FHIP1B: variants seen among roughly 807,000 people sequenced by gnomAD.
FHIP1B encodes the protein FHF complex subunit HOOK-interacting protein 1B.
FHIP1B carries 28 observed loss-of-function variants against 82.2 expected under a neutral mutation model. The observed-to-expected ratio is 0.34, with a 90% CI of 0.25 to 0.47. FHIP1B has a LOEUF of 0.47. Among genes scored for constraint, FHIP1B ranks in the 20% least tolerant of loss-of-function variants. The probability of loss-of-function intolerance (pLI) is 1.00; values close to 1 mark genes in which losing one functional copy is unlikely to be tolerated. For synonymous variants in FHIP1B, 585 were observed against 516.1 expected (o/e 1.13, Z -1.81); for missense variants, 1,110 against 1,262.6 (o/e 0.88, Z 1.83).
Position 6,218,089 on chromosome 11 carries a change from T to G in FHIP1B, c.1497A>C (p.Pro499=), listed in dbSNP as rs573849642. Residue 499 remains proline (P), a synonymous_variant, in exon 9 of 12, where the codon CCA becomes CCC. Transcript: ENST00000449352. ...SVTTVPRPST[P]SRLALFLRQQ... is the part of the protein sequence containing the mutation. ...GCCGCAGGAAGAGAGCCAGACGAGA[T>G]GGTGTGGAGGGCCGGGGTACTGTCG... The G allele has an allele frequency of 6.2e-7, 1 of 1,613,660 alleles. No homozygotes were observed. The highest frequency in any genetic ancestry group is 1.1e-5 in the South Asian group (1 of 91,046).
In FHIP1B at chr11:6,211,660, T is replaced by G; in HGVS notation, c.2765A>C (p.Lys922Thr). 6.2e-7 allele frequency: 1 copy of G among 1,614,238 alleles called. No individual in the cohort carries two copies. Among genetic ancestry groups the G allele is most frequent in the Non-Finnish European group, 8.5e-7 (1 of 1,180,044 alleles). The stretch of plus-strand genomic sequence containing the variant: ...AATGACTGCACAGTAGACAGCATTC[T>G]TGACTCGAAGAGCCTCACCTTGGCG... ...PERQGEALRV[K>T]NAVYCAVIFP... Residue 922 changes from lysine to threonine, a missense_variant, in exon 12 of 12, where the codon AAG becomes ACG. This residue lies in a region of FHIP1B where 147 missense variants were observed against 154.0 expected (regional missense o/e 0.95). Coordinates refer to ENST00000449352, the MANE Select transcript of FHIP1B (RefSeq NM_001098794.2).
Position 6,218,260 on chromosome 11 carries a change from AT to A in FHIP1B, c.1436-111del, listed in dbSNP as rs911422819. The A allele has an allele frequency of 3.5e-6, 5 of 1,416,556 alleles. No homozygotes were observed. The African/African-American group carries it at 7.2e-5, about 21-fold the overall frequency. 87.7% of individuals were successfully genotyped at this position (1,416,556 alleles called of 1,614,324 possible). A position where few individuals can be genotyped will look rare whatever the true frequency, so the allele number is the denominator to read the frequency against. ...GACAATGGGGAGGCAGAAACATGGAATCTATTCAGACAGCTAACTCTCCAAC... is the reference window on the plus strand; with the variant it reads ...GACAATGGGGAGGCAGAAACATGGAACTATTCAGACAGCTAACTCTCCAAC... On this transcript the variant is annotated intron_variant, in intron 8 of 11. Coordinates refer to ENST00000449352, the MANE Select transcript of FHIP1B (RefSeq NM_001098794.2).
rs767384649 is a variant in FHIP1B at position 6,223,805 on chromosome 11, G to C, written c.582C>G (p.Leu194=). 6 of 1,614,172 alleles carry C rather than the reference G, an allele frequency of 3.7e-6. No homozygotes were observed. In the South Asian group the frequency reaches 5.5e-5, roughly 15 times the overall value. Reference sequence around the variant, plus strand: ...CAGGAGGTGGCTGCAGGAAGAACTCGAGCAATGAAGGCTCCTGGGCCACAC... The same window carrying C: ...CAGGAGGTGGCTGCAGGAAGAACTCCAGCAATGAAGGCTCCTGGGCCACAC... ...CVCVAQEPSL[L]EFFLQPPPEP... is the part of the protein sequence containing the mutation. Residue 194 remains leucine (L), a synonymous_variant, in exon 3 of 12, where the codon CTC becomes CTG. Transcript: ENST00000449352. The surrounding 1 kb of genome is among the most constrained non-coding windows in gnomAD (Gnocchi z 4.8).
chr11:6,218,874 A>C, intron 7 of FHIP1B, 97 bp downstream of exon 7: 1 of 1,560,344 alleles, frequency 6.4e-7, no homozygotes, highest in South Asian at 1.1e-5. Context: ...CCAAGTGGAA[A>C]CTCATGAGTA....
rs1380553256 is a variant in FHIP1B, at chr11:6,223,455, T to C, written c.777+155A>G. ...CCTATCCATCTAAGCCCATGATTCA[T>C]CCCCACTACAACTCCAGGGGGCTGC... On this transcript the variant is annotated intron_variant, in intron 3 of 11. Coordinates refer to ENST00000449352, the MANE Select transcript of FHIP1B (RefSeq NM_001098794.2). This position sits in a 1 kb window ranked among gnomAD's most constrained non-coding sequence, Gnocchi z 4.8. Among the ~76,000 whole-genome samples, 2 of 152,102 alleles carry C rather than the reference T, an allele frequency of 1.3e-5. No individual in the cohort carries two copies. Among genetic ancestry groups the C allele is most frequent in the East Asian group, 1.9e-4 (1 of 5,174 alleles).
At chr11:6,225,373 G>T (rs1847535517) in intron 1 of FHIP1B, among the ~76,000 whole-genome samples, 1 of 152,068 alleles carries the variant, frequency 6.6e-6, no homozygotes, top group African/African-American at 2.4e-5. Context: ...TTGTTTGTTT[G>T]TTTGTTTCAA....
In FHIP1B at chr11:6,223,466, A is replaced by G. The variant is rs1295707391; in HGVS notation, c.777+144T>C. The G allele has an allele frequency of 2.6e-6, 3 of 1,149,272 alleles. No homozygotes were observed. The highest frequency in any genetic ancestry group is 3.7e-6 in the Non-Finnish European group (3 of 807,196). The allele number at this position is 1,149,272 out of a possible 1,614,324, so 71.2% of individuals were successfully genotyped here. A position where few individuals can be genotyped will look rare whatever the true frequency, so the allele number is the denominator to read the frequency against. ...AAGCCCATGATTCATCCCCACTACAACTCCAGGGGGCTGCTTTCAAATCCA... is the reference window on the plus strand; with the variant it reads ...AAGCCCATGATTCATCCCCACTACAGCTCCAGGGGGCTGCTTTCAAATCCA... On this transcript the variant is annotated intron_variant, in intron 3 of 11. Coordinates refer to ENST00000449352, the MANE Select transcript of FHIP1B (RefSeq NM_001098794.2). The surrounding 1 kb of genome is among the most constrained non-coding windows in gnomAD (Gnocchi z 4.8).
chr11:6,223,513 G>A lies in FHIP1B; in HGVS notation c.777+97C>T, dbSNP rs548487642. 1.7e-4 allele frequency: 236 copies of A among 1,427,930 alleles called. No individual in the cohort carries two copies. The highest frequency in any genetic ancestry group is 5.4e-4 in the South Asian group (39 of 71,830). The allele number at this position is 1,427,930 out of a possible 1,614,324, so 88.5% of individuals were successfully genotyped here. On this transcript the variant is annotated intron_variant, in intron 3 of 11. Transcript: ENST00000449352. The surrounding 1 kb of genome is among the most constrained non-coding windows in gnomAD (Gnocchi z 4.8). ...TCCAGGAACTGTTTCCTAGGGGAAC[G>A]GGCCCTGGAACATAGCCTCTCCCCA...
rs1383047062 is a variant in FHIP1B at position 6,217,868 on chromosome 11, G to C, written c.1718C>G (p.Ser573Cys). The C allele has an allele frequency of 1.2e-6, 2 of 1,613,800 alleles. No individual in the cohort carries two copies. Among genetic ancestry groups the C allele is most frequent in the Non-Finnish European group, 1.7e-6 (2 of 1,180,030 alleles). ...GGGCCGCTCGCCATCATAGGGGGCA[G>C]ACCAGGTACGGCAGGCTCGGACACA... The part of the protein sequence containing the change: ...DRCVRACRTW[S>C]APYDGERPSP... The change falls in exon 9 of 12, where the codon TCT (serine) becomes TGT (cysteine). Residue 573 changes from serine (S) to cysteine (C), a missense_variant. Physicochemically the swap from Ser to Cys is moderately radical, Grantham distance 112. Around this residue, in one of 6 missense-constraint regions of FHIP1B, gnomAD observed 418 missense variants for 371.4 expected, o/e 1.13. Coordinates refer to ENST00000449352, the MANE Select transcript of FHIP1B (RefSeq NM_001098794.2).
chr11:6,229,445 A>G (rs1847642771), intron 1 of FHIP1B, among the ~76,000 whole-genome samples: 1 of 152,204 alleles, frequency 6.6e-6, no homozygotes, highest in Non-Finnish European at 1.5e-5. Context: ...CCAAGTGCCC[A>G]TATCTCTGAC....
intron 1 of FHIP1B, among the ~76,000 whole-genome samples, chr11:6,233,131 C>G (rs892944648): frequency 2.6e-5 from 4 of 152,118 alleles, no homozygotes; most frequent in African/African-American, 7.2e-5. Flanking sequence ...CCTGTCTGGA[C>G]TCCAGAAAGA....
Position 6,234,598 on chromosome 11 carries a change from G to C in FHIP1B, c.-246C>G, listed in dbSNP as rs1042910770. 4.6e-5 allele frequency: 7 copies of C among 152,982 alleles called. No homozygotes were observed. The highest frequency in any genetic ancestry group is 8.8e-5 in the Non-Finnish European group (6 of 68,552). 9.5% of individuals were successfully genotyped at this position (152,982 alleles called of 1,614,324 possible). A position where few individuals can be genotyped will look rare whatever the true frequency, so the allele number is the denominator to read the frequency against. On this transcript the variant is annotated 5_prime_UTR_variant, in exon 1 of 12. Transcript: ENST00000449352. ...GGGCCCGGTTGCTGCTGCGGTGTTAGGTGAGTTCAGGCCGCCGCCATCGCT... is the reference window on the plus strand; with the variant it reads ...GGGCCCGGTTGCTGCTGCGGTGTTACGTGAGTTCAGGCCGCCGCCATCGCT...
At chr11:6,230,553 G>C (rs1847670999) in intron 1 of FHIP1B, among the ~76,000 whole-genome samples, 1 of 152,116 alleles carries the variant, frequency 6.6e-6, no homozygotes, top group Non-Finnish European at 1.5e-5. Flanking sequence ...GGGATGTCAG[G>C]GTATGGTCCC....
intron 9 of FHIP1B, 83 bp from the exon 10 acceptor site, chr11:6,214,994 C>A (rs536114409): frequency 2.5e-5 from 32 of 1,296,634 alleles, no homozygotes; most frequent in East Asian, 1.8e-4. Context: ...AAACAAGAGA[C>A]CCCCACCAGA....
rs575055797 is a variant in FHIP1B, at chr11:6,211,385, T to C, written c.*121A>G. 2 of 1,279,168 alleles carry C rather than the reference T, an allele frequency of 1.6e-6. No homozygotes were observed. The highest frequency in any genetic ancestry group is 5.2e-5 in the Admixed American group (2 of 38,664). 79.2% of individuals were successfully genotyped at this position (1,279,168 alleles called of 1,614,324 possible). A position where few individuals can be genotyped will look rare whatever the true frequency, so the allele number is the denominator to read the frequency against. The stretch of plus-strand genomic sequence containing the variant: ...TATACATATTGCAACAAGTTCTCCA[T>C]AAAACATTCATCTGAAATAAATTAA... On this transcript the variant is annotated 3_prime_UTR_variant, in exon 12 of 12. Coordinates refer to ENST00000449352, the MANE Select transcript of FHIP1B (RefSeq NM_001098794.2).
In FHIP1B at chr11:6,224,418, G is replaced by A. The variant is rs758575248; in HGVS notation, c.99C>T (p.Pro33=). ...TCTTGAAGACCATGAGGCAGGTCTCGGGATCAGCCATGACTGGGGTTTGGA... is the reference window on the plus strand; with the variant it reads ...TCTTGAAGACCATGAGGCAGGTCTCAGGATCAGCCATGACTGGGGTTTGGA... ...ANLQTPVMAD[P]ETCLMVFKNH... is the part of the protein sequence containing the mutation. Residue 33 remains proline, a synonymous_variant, in exon 2 of 12, where the codon CCC becomes CCT. Transcript: ENST00000449352. 33 of 1,614,034 alleles carry A rather than the reference G, an allele frequency of 2.0e-5. No individual in the cohort carries two copies. In the African/African-American group the frequency reaches 2.7e-4, roughly 13 times the overall value.
Position 6,217,834 on chromosome 11 carries a change from C to A in FHIP1B, c.1752G>T (p.Glu584Asp). The change falls in exon 9 of 12, where the codon GAG (glutamate) becomes GAT (aspartate). Residue 584 changes from glutamate (E) to aspartate (D), a missense_variant. Physicochemically the swap from Glu to Asp is conservative, Grantham distance 45 (BLOSUM62 2). Coordinates refer to ENST00000449352, the MANE Select transcript of FHIP1B (RefSeq NM_001098794.2). ...APYDGERPSP[E>D]PSPFGSRTKK... ...TAGTCCGGGAGCCAAAAGGACTGGG[C>A]TCAGGAGAGGGCCGCTCGCCATCAT... 1 of 1,613,680 alleles carries A rather than the reference C, an allele frequency of 6.2e-7. No individual in the cohort carries two copies. The highest frequency in any genetic ancestry group is 1.3e-5 in the African/African-American group (1 of 74,994).
At chr11:6,230,369 C>A (rs1847666600) in intron 1 of FHIP1B, among the ~76,000 whole-genome samples, 1 of 152,184 alleles carries the variant, frequency 6.6e-6, no homozygotes, top group African/African-American at 2.4e-5. Flanking sequence ...TAATTACTGA[C>A]ATAAGGAGGA....
chr11:6,225,071 C>G (rs1028241936), intron 1 of FHIP1B, among the ~76,000 whole-genome samples: 2 of 152,228 alleles, frequency 1.3e-5, no homozygotes, highest in Non-Finnish European at 2.9e-5. Context: ...CTCCATGATT[C>G]CTTTACTATC....
Sources: gnomAD v4.1 joint callset for allele counts (sites outside exome capture counted in the v4.1 genomes callset) on GRCh38, gnomAD v4.1.1 for gene constraint, gnomAD v4.1.1 regional missense constraint, Gnocchi (gnomAD v3.1) non-coding constraint, MANE v1.5 for transcripts, NCBI Gene and HGNC (gene_info 2026-07-23, HGNC 2026-07-21) for gene names.